Variants in CABP7 observed in about 807,000 individuals in gnomAD.
The protein encoded by CABP7 is calcium binding protein 7, also known as calcium-binding protein 7.
A neutral mutation model predicts 23.1 loss-of-function variants in CABP7; 13 were observed. That is an observed-to-expected ratio of 0.56 (90% CI 0.37 to 0.90). The LOEUF is 0.90. Among genes scored for constraint, CABP7 ranks in the 40% least tolerant of loss-of-function variants. The pLI is 0.01. For missense variants in CABP7, 248 were observed against 295.6 expected (o/e 0.84, Z 1.18); for synonymous variants, 123 against 115.3 (o/e 1.07, Z -0.43).
Position 29,731,157 on chromosome 22 carries a change from C to A in CABP7, c.*1588C>A. ...AGCCTCCATGGGGCGTAGCAGGAAC[C>A]GGGCTTGGCTTCCTATTGTGACTGA... On this transcript the variant is annotated 3_prime_UTR_variant, in exon 5 of 5. Transcript: ENST00000216144. The A allele has an allele frequency of 7.0e-7, 1 of 1,428,606 alleles. No individual in the cohort carries two copies. The highest frequency in any genetic ancestry group is 1.7e-5 in the South Asian group (1 of 60,348). 88.5% of individuals were successfully genotyped at this position (1,428,606 alleles called of 1,614,324 possible).
Position 29,720,524 on chromosome 22 carries a change from G to A in CABP7, c.100G>A (p.Glu34Lys), listed in dbSNP as rs1217660304. Residue 34 changes from glutamate to lysine, a missense_variant, in exon 1 of 5, where the codon GAG becomes AAG. Glu to Lys is a moderately conservative substitution (Grantham distance 56). Coordinates refer to ENST00000216144, the MANE Select transcript of CABP7 (RefSeq NM_182527.3). This position sits in a 1 kb window ranked among gnomAD's most constrained non-coding sequence, Gnocchi z 5.2. ...GCGCCCGGTGGACATCCCGGAGGACGAGCTGGAGGGTGAGTGTCCGCCGGG... is the reference window on the plus strand; with the variant it reads ...GCGCCCGGTGGACATCCCGGAGGACAAGCTGGAGGGTGAGTGTCCGCCGGG... ...EQRPVDIPEDELEEIREAFKV... is the reference protein window; with the variant it reads ...EQRPVDIPEDKLEEIREAFKV... The A allele has an allele frequency of 1.3e-6, 2 of 1,536,944 alleles. No individual in the cohort carries two copies. Among genetic ancestry groups the A allele is most frequent in the African/African-American group, 1.4e-5 (1 of 69,868 alleles).
intron 1 of CABP7, among the ~76,000 whole-genome samples, chr22:29,723,171 C>T (rs2067773528): frequency 6.6e-6 from 1 of 152,114 alleles, no homozygotes; most frequent in Non-Finnish European, 1.5e-5. Context: ...GGGCCCAGGC[C>T]CGTGAGGGTG....
intron 1 of CABP7, among the ~76,000 whole-genome samples, chr22:29,722,339 A>G (rs2067767609): frequency 6.6e-6 from 1 of 152,148 alleles, no homozygotes; most frequent in South Asian, 2.1e-4. Context: ...CCAACCAACG[A>G]CATGGCGTGC....
chr22:29,726,752 C>G (rs2067798280), intron 1 of CABP7, among the ~76,000 whole-genome samples: 1 of 152,194 alleles, frequency 6.6e-6, no homozygotes. Flanking sequence ...GCCCCCCACT[C>G]CCAAAGGCAA....
chr22:29,720,372 A>G lies in CABP7; in HGVS notation c.-53A>G, dbSNP rs1000100090. 8.1e-5 allele frequency: 100 copies of G among 1,231,350 alleles called. No homozygotes were observed. The highest frequency in any genetic ancestry group is 3.2e-5 in the African/African-American group (2 of 62,080). 76.3% of individuals were successfully genotyped at this position (1,231,350 alleles called of 1,614,324 possible). A position where few individuals can be genotyped will look rare whatever the true frequency, so the allele number is the denominator to read the frequency against. On this transcript the variant is annotated 5_prime_UTR_variant, in exon 1 of 5. The change abolishes an upstream ATG in the 5' untranslated region. Coordinates refer to ENST00000216144, the MANE Select transcript of CABP7 (RefSeq NM_182527.3). This position sits in a 1 kb window ranked among gnomAD's most constrained non-coding sequence, Gnocchi z 5.2. ...CCGCCCCCGGGGCCGCCACCGGCCCATGAGCCCCGGCCTCAAAGTTTGCGG... is the reference window on the plus strand; with the variant it reads ...CCGCCCCCGGGGCCGCCACCGGCCCGTGAGCCCCGGCCTCAAAGTTTGCGG...
chr22:29,728,997 G>A (rs896201590), intron 3 of CABP7, 58 bp from the exon 4 acceptor site: 2 of 1,587,676 alleles, frequency 1.3e-6, no homozygotes, highest in Non-Finnish European at 1.7e-6. Flanking sequence ...TATGGCCGTG[G>A]GGTGCTGGGT....
chr22:29,720,645 T>G lies in CABP7; in HGVS notation c.109+112T>G. 1 of 558,016 alleles carries G rather than the reference T, an allele frequency of 1.8e-6. No individual in the cohort carries two copies. The highest frequency in any genetic ancestry group is 2.9e-6 in the Non-Finnish European group (1 of 348,628). 34.6% of individuals were successfully genotyped at this position (558,016 alleles called of 1,614,324 possible). A position where few individuals can be genotyped will look rare whatever the true frequency, so the allele number is the denominator to read the frequency against. On this transcript the variant is annotated intron_variant, in intron 1 of 4. Coordinates refer to ENST00000216144, the MANE Select transcript of CABP7 (RefSeq NM_182527.3). The surrounding 1 kb of genome is among the most constrained non-coding windows in gnomAD (Gnocchi z 5.2). ...GCGGGGGGCGGTCCGCAGGTGCCGG[T>G]TGCCAGGTGGGCGCCCCAGCTAGCA... is the stretch of plus-strand genomic sequence containing the variant.
intron 1 of CABP7, among the ~76,000 whole-genome samples, chr22:29,723,042 T>A (rs1303387649): frequency 6.6e-6 from 1 of 152,156 alleles, no homozygotes; most frequent in East Asian, 1.9e-4. Context: ...TTTCCCCACC[T>A]ATAAAAGGGG....
Position 29,720,357 on chromosome 22 carries a change from G to C in CABP7, c.-68G>C, listed in dbSNP as rs1360833604. On this transcript the variant is annotated 5_prime_UTR_variant, in exon 1 of 5. Transcript: ENST00000216144. The surrounding 1 kb of genome is among the most constrained non-coding windows in gnomAD (Gnocchi z 5.2). ...CCCCGCCCGCTCCAGCCGCCCCCGG[G>C]GCCGCCACCGGCCCATGAGCCCCGG... The C allele has an allele frequency of 9.4e-6, 9 of 960,222 alleles. No homozygotes were observed. The African/African-American group carries it at 1.6e-4, about 17-fold the overall frequency. The allele number at this position is 960,222 out of a possible 1,614,324, so 59.5% of individuals were successfully genotyped here. A position where few individuals can be genotyped will look rare whatever the true frequency, so the allele number is the denominator to read the frequency against.
rs1252787182 is a variant in CABP7 at position 29,731,585 on chromosome 22, A to C, written c.*2016A>C. 1.0e-5 allele frequency: 5 copies of C among 499,574 alleles called. No homozygotes were observed. The highest frequency in any genetic ancestry group is 1.7e-5 in the Non-Finnish European group (5 of 290,470). The allele number at this position is 499,574 out of a possible 1,614,324, so 30.9% of individuals were successfully genotyped here. Reference sequence around the variant, plus strand: ...TTGCAGGCAGACATTGAGCTGCGAGACAATGGGAATAACCTTCGTGTCCAC... The same window carrying C: ...TTGCAGGCAGACATTGAGCTGCGAGCCAATGGGAATAACCTTCGTGTCCAC... On this transcript the variant is annotated 3_prime_UTR_variant, in exon 5 of 5. Coordinates refer to ENST00000216144, the MANE Select transcript of CABP7 (RefSeq NM_182527.3).
At chr22:29,724,476 CA>C (rs1355029031) in intron 1 of CABP7, among the ~76,000 whole-genome samples, 1 of 152,220 alleles carries the variant, frequency 6.6e-6, no homozygotes, top group Non-Finnish European at 1.5e-5. Context: ...TTAATCATCC[CA>C]GCAGCCCCAT....
At chr22:29,723,354 A>G (rs1196268949) in intron 1 of CABP7, among the ~76,000 whole-genome samples, 1 of 152,116 alleles carries the variant, frequency 6.6e-6, no homozygotes, top group East Asian at 1.9e-4. Context: ...AGGCCCTGTG[A>G]GGGACAGGCA....
Position 29,720,317 on chromosome 22 carries a change from C to T in CABP7, c.-108C>T, listed in dbSNP as rs2147204102. On this transcript the variant is annotated 5_prime_UTR_variant, in exon 1 of 5. Coordinates refer to ENST00000216144, the MANE Select transcript of CABP7 (RefSeq NM_182527.3). This position sits in a 1 kb window ranked among gnomAD's most constrained non-coding sequence, Gnocchi z 5.2. ...CAGCCTCGCCGCTGCCGCCGCCGCC[C>T]TCCGCAGCCGCGCGCCCCGCCCGCT... 2.8e-6 allele frequency: 1 copy of T among 360,134 alleles called. No homozygotes were observed. The highest frequency in any genetic ancestry group is 4.0e-6 in the Non-Finnish European group (1 of 250,010). 22.3% of individuals were successfully genotyped at this position (360,134 alleles called of 1,614,324 possible).
At chr22:29,728,818 C>A in intron 3 of CABP7, 76 bp downstream of exon 3, 1 of 1,186,698 alleles carries the variant, frequency 8.4e-7, no homozygotes, top group Non-Finnish European at 1.2e-6. Flanking sequence ...ATGGCTGGGC[C>A]CACACTGTAA....
Position 29,728,644 on chromosome 22 carries a change from G to C in CABP7, c.268G>C (p.Asp90His), listed in dbSNP as rs766692524. The C allele has an allele frequency of 1.9e-6, 3 of 1,612,514 alleles. No individual in the cohort carries two copies. The highest frequency in any genetic ancestry group is 3.3e-5 in the Admixed American group (2 of 60,004). ...RLDMDGDGQV[D>H]FEEFVTLLGP... ...GCCTCCACCAGGTGATGGTCAAGTG[G>C]ACTTTGAGGAGTTTGTGACCCTTCT... The change falls in exon 3 of 5, where the codon GAC becomes CAC. Residue 90 changes from aspartate (D) to histidine (H), a missense_variant. By Grantham distance (81) the Asp-to-His change is moderately conservative. Transcript: ENST00000216144.
chr22:29,723,136 C>T (rs925489574), intron 1 of CABP7, among the ~76,000 whole-genome samples: 6 of 152,106 alleles, frequency 3.9e-5, no homozygotes, highest in African/African-American at 9.7e-5. Flanking sequence ...GGAGGCCCTG[C>T]GGGGGTAAGA....
chr22:29,731,242 T>C lies in CABP7; in HGVS notation c.*1673T>C, dbSNP rs1427123851. 1.1e-5 allele frequency: 16 copies of C among 1,508,630 alleles called. No homozygotes were observed. Among genetic ancestry groups the C allele is most frequent in the Non-Finnish European group, 1.4e-5 (16 of 1,142,092 alleles). The allele number at this position is 1,508,630 out of a possible 1,614,324, so 93.5% of individuals were successfully genotyped here. A position where few individuals can be genotyped will look rare whatever the true frequency, so the allele number is the denominator to read the frequency against. On this transcript the variant is annotated 3_prime_UTR_variant, in exon 5 of 5. Coordinates refer to ENST00000216144, the MANE Select transcript of CABP7 (RefSeq NM_182527.3). ...CAAGGGGCTCAGCCCCACTGGACTC[T>C]GGGCTGCAGAGGCCACCCCCCAGGT...
At position 29,727,093 on chromosome 22, in the gene CABP7, G is replaced by T. The variant is rs927839383; in HGVS notation, c.110-569G>T. 2.6e-5 allele frequency among the ~76,000 whole-genome samples: 4 copies of T among 152,188 alleles called. No homozygotes were observed. Among genetic ancestry groups the T allele is most frequent in the Non-Finnish European group, 4.4e-5 (3 of 68,030 alleles). ...AGTCTGGTCTGGCCTGGACCTGGAG[G>T]GGGGCTCCTTCCCCCTCTGTCTTCC... On this transcript the variant is annotated intron_variant, in intron 1 of 4. Transcript: ENST00000216144. This position sits in a 1 kb window ranked among gnomAD's most constrained non-coding sequence, Gnocchi z 4.2.
rs958603772 is a variant in CABP7, at chr22:29,731,346, G to A, written c.*1777G>A. 9.1e-6 allele frequency: 14 copies of A among 1,542,184 alleles called. No individual in the cohort carries two copies. Among genetic ancestry groups the A allele is most frequent in the Non-Finnish European group, 1.2e-5 (14 of 1,153,828 alleles). On this transcript the variant is annotated 3_prime_UTR_variant, in exon 5 of 5. Coordinates refer to ENST00000216144, the MANE Select transcript of CABP7 (RefSeq NM_182527.3). ...GTACTGGAAGACAGTGGTTCTGATG[G>A]GTTCAGCCCTAGAGAGAGAGAGAGA...
Sources: gnomAD v4.1 joint callset for allele counts (sites outside exome capture counted in the v4.1 genomes callset) on GRCh38, gnomAD v4.1.1 for gene constraint, Gnocchi (gnomAD v3.1) non-coding constraint, MANE v1.5 for transcripts, NCBI Gene and HGNC (gene_info 2026-07-23, HGNC 2026-07-21) for gene names.